Variants in LHFPL2 observed in about 807,000 individuals in gnomAD.
The protein encoded by LHFPL2 is LHFPL tetraspan subfamily member 2, also known as LHFPL tetraspan subfamily member 2 protein.
LHFPL2 carries 7 observed loss-of-function variants against 17.5 expected under a neutral mutation model. The ratio of observed to expected loss-of-function variants is 0.40; its 90% CI spans 0.23 to 0.75. The LOEUF is 0.75. Among genes scored for constraint, LHFPL2 ranks in the 30% least tolerant of loss-of-function variants. The probability of loss-of-function intolerance (pLI) is 0.37; values close to 1 mark genes in which losing one functional copy is unlikely to be tolerated. For synonymous variants in LHFPL2, 134 were observed against 116.2 expected, an observed-to-expected ratio of 1.15 and a Z score of -0.99; for missense variants, 241 against 294.8, an observed-to-expected ratio of 0.82 and a Z score of 1.34.
At chr5:78,515,002 A>G in intron 3 of LHFPL2, among the ~76,000 whole-genome samples, 1 of 152,194 alleles carries the variant, frequency 6.6e-6, no homozygotes, top group East Asian at 1.9e-4. Flanking sequence ...TGAGTTGCAG[A>G]TGTTCTGACA....
At chr5:78,577,290 T>C (rs1757157565) in intron 2 of LHFPL2, among the ~76,000 whole-genome samples, 1 of 152,200 alleles carries the variant, frequency 6.6e-6, no homozygotes, top group Non-Finnish European at 1.5e-5. Context: ...CTTGGAACAC[T>C]GCAAAAGGCC....
At position 78,486,324 on chromosome 5, in the gene LHFPL2, A is replaced by ACTTT. The variant is rs777465658; in HGVS notation, c.*2569_*2572dup. ...GCAGCCCATCCCATCCCGTCATGAGACTTTCTTTAAGCCAATTTCAGGCAA... is the reference window on the plus strand; with the variant it reads ...GCAGCCCATCCCATCCCGTCATGAGACTTTCTTTCTTTAAGCCAATTTCAGGCAA... On this transcript the variant is annotated 3_prime_UTR_variant, in exon 5 of 5. Transcript: ENST00000380345. The ACTTT allele has an allele frequency of 6.6e-6, 1 of 152,268 alleles. No individual in the cohort carries two copies. Among genetic ancestry groups the ACTTT allele is most frequent in the Admixed American group, 6.5e-5 (1 of 15,282 alleles). The allele number at this position is 152,268 out of a possible 1,614,324, so 9.4% of individuals were successfully genotyped here.
intron 1 of LHFPL2, among the ~76,000 whole-genome samples, chr5:78,632,589 C>T (rs1745292102): frequency 2.6e-5 from 4 of 152,140 alleles, no homozygotes; most frequent in Non-Finnish European, 5.9e-5. Flanking sequence ...GCTAACCTAC[C>T]TGTGCTTCAG....
intron 4 of LHFPL2, among the ~76,000 whole-genome samples, chr5:78,495,505 C>T (rs548026073): frequency 3.2e-4 from 48 of 152,298 alleles, no homozygotes; most frequent in African/African-American, 1.1e-3. Context: ...ACTTCCCCGT[C>T]ACACAGGCTT....
At chr5:78,608,331 T>C (rs1744297859) in intron 2 of LHFPL2, among the ~76,000 whole-genome samples, 1 of 152,228 alleles carries the variant, frequency 6.6e-6, no homozygotes, top group Non-Finnish European at 1.5e-5. Context: ...AAGCTCTCTT[T>C]AGCAAAGTTT....
rs997771496 is a variant in LHFPL2, at chr5:78,636,018, A to ACG, written c.-349-3652_-349-3651dup. On this transcript the variant is annotated intron_variant, in intron 1 of 4. Coordinates refer to ENST00000380345, the MANE Select transcript of LHFPL2 (RefSeq NM_005779.3). ...CACACAGACACACACACACACACAC[A>ACG]CGCGCACACAAACACCAATTAAATG... Among the ~76,000 whole-genome samples, 15 of 146,990 alleles carry ACG rather than the reference A, an allele frequency of 1.0e-4. No homozygotes were observed. In the South Asian group the frequency reaches 1.3e-3, roughly 13 times the overall value.
intron 3 of LHFPL2, among the ~76,000 whole-genome samples, chr5:78,533,682 T>A (rs1321565177): frequency 7.9e-6 from 1 of 126,190 alleles, no homozygotes; most frequent in Non-Finnish European, 1.8e-5. Flanking sequence ...GGCTAAGTCA[T>A]AAGCCATGTG....
intron 4 of LHFPL2, among the ~76,000 whole-genome samples, chr5:78,500,291 G>C (rs1022878682): frequency 1.3e-5 from 2 of 152,170 alleles, no homozygotes; most frequent in Non-Finnish European, 2.9e-5. Context: ...AATTCATAGA[G>C]CTAGATGATC....
At chr5:78,638,943 A>C (rs931351924) in intron 1 of LHFPL2, among the ~76,000 whole-genome samples, 6 of 152,240 alleles carry the variant, frequency 3.9e-5, no homozygotes, top group African/African-American at 1.2e-4. Context: ...GAGGAAATCT[A>C]ATTGGATGGC....
At chr5:78,496,551 G>T (rs1754612801) in intron 4 of LHFPL2, among the ~76,000 whole-genome samples, 1 of 152,230 alleles carries the variant, frequency 6.6e-6, no homozygotes, top group South Asian at 2.1e-4. Context: ...AGCTAAGTCT[G>T]AGCCCCAGCC....
intron 2 of LHFPL2, among the ~76,000 whole-genome samples, chr5:78,616,845 A>C (rs1180460520): frequency 6.6e-6 from 1 of 152,204 alleles, no homozygotes; most frequent in Admixed American, 6.5e-5. Flanking sequence ...ATCTGCAAAA[A>C]GACAGCTTAT....
At chr5:78,525,618 T>C (rs1010118032) in intron 3 of LHFPL2, among the ~76,000 whole-genome samples, 3 of 152,168 alleles carry the variant, frequency 2.0e-5, no homozygotes, top group Non-Finnish European at 2.9e-5. Context: ...TTTCATCCCT[T>C]GGAGGATAAA....
Position 78,510,079 on chromosome 5 carries a change from C to T in LHFPL2, c.135G>A (p.Glu45=), listed in dbSNP as rs770352043. Residue 45 remains glutamate, a synonymous_variant, in exon 4 of 5, where the codon GAG becomes GAA. Transcript: ENST00000380345. The stretch of plus-strand genomic sequence containing the variant: ...GGGAGCCCCCGCCCGGGCCCGCCGG[C>T]TCCACGCCGCCGCGGCTCCTCGCTT... ...IGKARSRGGV[E]PAGPGGGSPE... is the part of the protein sequence containing the mutation. 1.2e-6 allele frequency: 2 copies of T among 1,612,502 alleles called. No homozygotes were observed. The highest frequency in any genetic ancestry group is 1.7e-6 in the Non-Finnish European group (2 of 1,179,330).
At chr5:78,531,272 G>A (rs946502169) in intron 3 of LHFPL2, among the ~76,000 whole-genome samples, 1 of 151,996 alleles carries the variant, frequency 6.6e-6, no homozygotes, top group African/African-American at 2.4e-5. Context: ...AAAATTAGCC[G>A]GGCATGGTGG....
intron 3 of LHFPL2, among the ~76,000 whole-genome samples, chr5:78,513,525 A>C (rs1480355136): frequency 2.0e-5 from 3 of 152,186 alleles, no homozygotes; most frequent in African/African-American, 4.8e-5. Flanking sequence ...CGCAAGGCTG[A>C]CTAAAATCGA....
At chr5:78,643,591 G>C (rs1254137938) in intron 1 of LHFPL2, among the ~76,000 whole-genome samples, 1 of 151,732 alleles carries the variant, frequency 6.6e-6, no homozygotes, top group African/African-American at 2.4e-5. Context: ...TGAAATTACA[G>C]AAGTGTTCAG....
intron 3 of LHFPL2, among the ~76,000 whole-genome samples, chr5:78,541,817 G>A (rs1221921667): frequency 6.6e-6 from 1 of 152,248 alleles, no homozygotes; most frequent in Non-Finnish European, 1.5e-5. Context: ...AAGTAAAGCA[G>A]CCTTGGAGTG....
chr5:78,490,652 G>A (rs1754409083), intron 4 of LHFPL2, among the ~76,000 whole-genome samples: 1 of 147,474 alleles, frequency 6.8e-6, no homozygotes, highest in African/African-American at 2.5e-5. Flanking sequence ...GAAGGCTGAG[G>A]CAGAAGAATC....
At chr5:78,518,680 G>A (rs1261393380) in intron 3 of LHFPL2, among the ~76,000 whole-genome samples, 1 of 152,204 alleles carries the variant, frequency 6.6e-6, no homozygotes, top group African/African-American at 2.4e-5. Flanking sequence ...GCTGGGAGGA[G>A]GTGGCCCAGT....
Sources: allele counts gnomAD v4.1 joint callset (sites outside exome capture counted in the v4.1 genomes callset), GRCh38; gene constraint gnomAD v4.1.1; transcripts MANE v1.5; gene names NCBI Gene and HGNC (gene_info 2026-07-23, HGNC 2026-07-21).